The following GRHL3 variants were observed in gnomAD, a reference collection of about 807,000 sequenced individuals.
GRHL3 encodes grainyhead like transcription factor 3.
GRHL3 carries 20 observed loss-of-function variants against 70.3 expected under a neutral mutation model. The ratio of observed to expected loss-of-function variants is 0.28; its 90% CI spans 0.20 to 0.41. GRHL3 has a LOEUF of 0.41. GRHL3 is among the 10% of genes least tolerant of loss of function. The pLI is 1.00. For missense variants in GRHL3, 637 were observed against 762.3 expected (o/e 0.84, Z 1.94); for synonymous variants, 299 against 299.9 (o/e 1.00, Z 0.03).
At position 24,354,858 on chromosome 1, in the gene GRHL3, G is replaced by A. The variant is rs929335357; in HGVS notation, c.*370G>A. The A allele has an allele frequency of 3.7e-4, 62 of 166,104 alleles. No individual in the cohort carries two copies. Among genetic ancestry groups the A allele is most frequent in the Admixed American group, 1.4e-3 (23 of 16,138 alleles). 10.3% of individuals were successfully genotyped at this position (166,104 alleles called of 1,614,324 possible). ...ATGGTGGCGGCACACGCTCCCTCCC[G>A]CAGCACCACGCCAGCTGGTGCGGCC... is the stretch of plus-strand genomic sequence containing the variant. On this transcript the variant is annotated 3_prime_UTR_variant, in exon 16 of 16. Transcript: ENST00000361548.
chr1:24,324,644 A>G (rs1195724330), intron 1 of GRHL3, among the ~76,000 whole-genome samples: 2 of 152,212 alleles, frequency 1.3e-5, no homozygotes, highest in African/African-American at 2.4e-5. Flanking sequence ...GTAATCCCTC[A>G]ATGAACGGTA....
chr1:24,338,215 C>G, intron 7 of GRHL3, 112 bp downstream of exon 7: 1 of 675,470 alleles, frequency 1.5e-6, no homozygotes, highest in South Asian at 2.0e-5. Context: ...TGACCTCTGT[C>G]TCCAGGTCAA....
At chr1:24,362,524 T>C (rs1641189411) in intron 15 of GRHL3, among the ~76,000 whole-genome samples, 1 of 152,212 alleles carries the variant, frequency 6.6e-6, no homozygotes, top group African/African-American at 2.4e-5. Flanking sequence ...TGACACTAAC[T>C]TTATAAAGGA....
Position 24,319,422 on chromosome 1 carries a change from A to G in GRHL3, c.-130A>G. 1 of 1,041,842 alleles carries G rather than the reference A, an allele frequency of 9.6e-7. No homozygotes were observed. The highest frequency in any genetic ancestry group is 1.5e-6 in the Non-Finnish European group (1 of 666,738). 64.5% of individuals were successfully genotyped at this position (1,041,842 alleles called of 1,614,324 possible). A position where few individuals can be genotyped will look rare whatever the true frequency, so the allele number is the denominator to read the frequency against. On this transcript the variant is annotated 5_prime_UTR_variant, in exon 1 of 16. Transcript: ENST00000361548. ...CTGCTGGGAACCTACCTGTCAGCAA[A>G]ATCTCGACACCCAAACCTCAACATA...
chr1:24,344,569 G>A (rs1273760042), intron 11 of GRHL3, among the ~76,000 whole-genome samples: 2 of 142,768 alleles, frequency 1.4e-5, no homozygotes, highest in Admixed American at 7.2e-5. Flanking sequence ...GTTACCGGCC[G>A]CAGGACCATC....
At chr1:24,359,952 C>T (rs1212186599), downstream of GRHL3, among the ~76,000 whole-genome samples, 3 of 152,060 alleles carry the variant, frequency 2.0e-5, no homozygotes, top group East Asian at 1.9e-4. The surrounding 1 kb of genome is among the most constrained non-coding windows in gnomAD (Gnocchi z 5.3). Context: ...AAGAGTGTGG[C>T]GCTAGAAGGT....
rs1318001977 is a variant in GRHL3 at position 24,342,449 on chromosome 1, TTTC to T, written c.1206+182_1206+184del. ...TCCTCCATCTCTCTGTCTCTCTGAG[TTTC>T]TTCTTTTCTGTCTTCTGTCTGTCCG... On this transcript the variant is annotated intron_variant, in intron 9 of 15. Transcript: ENST00000361548. This position sits in a 1 kb window ranked among gnomAD's most constrained non-coding sequence, Gnocchi z 4.8. Among the ~76,000 whole-genome samples, 1 of 152,166 alleles carries T rather than the reference TTTC, an allele frequency of 6.6e-6. No individual in the cohort carries two copies. Among genetic ancestry groups the T allele is most frequent in the Non-Finnish European group, 1.5e-5 (1 of 68,036 alleles).
At chr1:24,359,351 A>G (rs1640938534), downstream of GRHL3, among the ~76,000 whole-genome samples, 1 of 152,242 alleles carries the variant, frequency 6.6e-6, no homozygotes, top group African/African-American at 2.4e-5. The surrounding 1 kb of genome is among the most constrained non-coding windows in gnomAD (Gnocchi z 5.3). Flanking sequence ...GATGTGGTAG[A>G]GCAGGGTCAA....
chr1:24,345,361 C>A (rs1487460252), intron 12 of GRHL3, among the ~76,000 whole-genome samples: 2 of 149,004 alleles, frequency 1.3e-5, no homozygotes, highest in East Asian at 4.0e-4. Context: ...TGCCCATTGC[C>A]CCCAGCCTGC....
In GRHL3 at chr1:24,334,731, C is replaced by G. The variant is rs758091426; in HGVS notation, c.266+25C>G. Reference sequence around the variant, plus strand: ...GGTGAGGCTTGCCAACACCCTCTGCCTCTTTGCCCTTCCCCACCTCCACCT... The same window carrying G: ...GGTGAGGCTTGCCAACACCCTCTGCGTCTTTGCCCTTCCCCACCTCCACCT... On this transcript the variant is annotated intron_variant, in intron 3 of 15. Transcript: ENST00000361548. This position sits in a 1 kb window ranked among gnomAD's most constrained non-coding sequence, Gnocchi z 4.3. 2 of 1,595,380 alleles carry G rather than the reference C, an allele frequency of 1.3e-6. No individual in the cohort carries two copies. Among genetic ancestry groups the G allele is most frequent in the African/African-American group, 2.7e-5 (2 of 74,426 alleles).
intron 1 of GRHL3, among the ~76,000 whole-genome samples, chr1:24,328,304 T>C (rs571654796): frequency 6.6e-6 from 1 of 152,170 alleles, no homozygotes; most frequent in Non-Finnish European, 1.5e-5. Context: ...AATTTCCCCT[T>C]CTATAAAAGG....
intron 15 of GRHL3, among the ~76,000 whole-genome samples, chr1:24,352,670 TG>T (rs1419411638): frequency 1.3e-5 from 2 of 152,194 alleles, no homozygotes; most frequent in Non-Finnish European, 2.9e-5. Context: ...TCACAGTGCC[TG>T]GCACCTAGAA....
At chr1:24,352,117 C>G (rs1640536464) in intron 15 of GRHL3, among the ~76,000 whole-genome samples, 1 of 151,990 alleles carries the variant, frequency 6.6e-6, no homozygotes, top group Non-Finnish European at 1.5e-5. Context: ...CCCACACACC[C>G]CCACGGCCGT....
chr1:24,332,056 T>C (rs762655044), intron 2 of GRHL3, among the ~76,000 whole-genome samples: 3 of 152,106 alleles, frequency 2.0e-5, no homozygotes, highest in African/African-American at 4.8e-5. Context: ...CGTTGCCTGG[T>C]CCAAGCACAT....
chr1:24,319,965 CAG>C lies in GRHL3; in HGVS notation c.17+402_17+403del. ...AGGTAGTTCTAAGAGCTGTCTTAGG[CAG>C]AGAGTTGGGTTTCTCTAAAGGGACT... On this transcript the variant is annotated intron_variant, in intron 1 of 15. Coordinates refer to ENST00000361548, the MANE Select transcript of GRHL3 (RefSeq NM_198173.3). 6 of 285,410 alleles carry C rather than the reference CAG, an allele frequency of 2.1e-5. No homozygotes were observed. In the South Asian group the frequency reaches 2.4e-4, roughly 11 times the overall value. The allele number at this position is 285,410 out of a possible 1,614,324, so 17.7% of individuals were successfully genotyped here.
At chr1:24,349,978 TAAA>T in intron 14 of GRHL3, 77 bp from the exon 15 acceptor site, 2 of 1,070,946 alleles carry the variant, frequency 1.9e-6, no homozygotes, top group Non-Finnish European at 2.8e-6. Flanking sequence ...AATCAGGAAG[TAAA>T]AAAAGTGATG....
At chr1:24,362,671 G>C (rs1641198567) in intron 15 of GRHL3, among the ~76,000 whole-genome samples, 1 of 152,184 alleles carries the variant, frequency 6.6e-6, no homozygotes, top group Admixed American at 6.5e-5. Flanking sequence ...TGACAGACAG[G>C]CAACTGAGCC....
chr1:24,326,400 T>TCTTCTCCTCC, intron 1 of GRHL3, among the ~76,000 whole-genome samples: 12 of 94,324 alleles, frequency 1.3e-4, no homozygotes, highest in Non-Finnish European at 1.9e-4. Flanking sequence ...CCTCCACCCC[T>TCTTCTCCTCC]ATTCCCCTCC....
intron 8 of GRHL3, 49 bp downstream of exon 8, chr1:24,339,811 C>T (rs1275968894): frequency 3.9e-6 from 5 of 1,281,906 alleles, no homozygotes; most frequent in African/African-American, 1.5e-5. Context: ...GCCTGGAAGT[C>T]CCTATTCTGG....
Sources: gnomAD v4.1 joint callset for allele counts (sites outside exome capture counted in the v4.1 genomes callset) on GRCh38, gnomAD v4.1.1 for gene constraint, Gnocchi (gnomAD v3.1) non-coding constraint, MANE v1.5 for transcripts, NCBI Gene and HGNC (gene_info 2026-07-23, HGNC 2026-07-21) for gene names.